MARCHF3: variants seen among roughly 807,000 people sequenced by gnomAD.
The protein encoded by MARCHF3 is E3 ubiquitin-protein ligase MARCHF3.
A neutral mutation model predicts 24.2 loss-of-function variants in MARCHF3; 13 were observed. The observed-to-expected ratio is 0.54, with a 90% CI of 0.35 to 0.85. The LOEUF (loss-of-function observed/expected upper bound fraction) is 0.85. Ranked by LOEUF, MARCHF3 falls within the 40% of genes least tolerant of loss-of-function variation. MARCHF3 has a pLI of 0.01. For missense variants in MARCHF3, 276 were observed against 325.0 expected, an observed-to-expected ratio of 0.85 and a Z score of 1.16; for synonymous variants, 144 against 137.3, an observed-to-expected ratio of 1.05 and a Z score of -0.34.
At chr5:126,961,701 T>G (rs1050915305) in intron 1 of MARCHF3, among the ~76,000 whole-genome samples, 1 of 152,190 alleles carries the variant, frequency 6.6e-6, no homozygotes, top group African/African-American at 2.4e-5. Flanking sequence ...CAAACATATG[T>G]AATTTGGCTT....
chr5:127,023,440 T>G (rs999349710), intron 1 of MARCHF3, among the ~76,000 whole-genome samples: 2 of 152,126 alleles, frequency 1.3e-5, no homozygotes, highest in Non-Finnish European at 2.9e-5. Flanking sequence ...TTTTAAAAAG[T>G]TTCCCTCAGG....
intron 1 of MARCHF3, among the ~76,000 whole-genome samples, chr5:127,006,028 C>T (rs535330250): frequency 1.3e-5 from 2 of 151,794 alleles, no homozygotes; most frequent in Non-Finnish European, 2.9e-5. Context: ...ATGGTGAAAC[C>T]CCATCTCTAC....
chr5:126,897,480 A>G (rs1017188453), intron 3 of MARCHF3, among the ~76,000 whole-genome samples: 5 of 152,134 alleles, frequency 3.3e-5, no homozygotes, highest in Admixed American at 3.3e-4. Context: ...TTAACTGTAT[A>G]GTTTTAGATA....
At chr5:126,995,504 A>C (rs1751922663) in intron 1 of MARCHF3, among the ~76,000 whole-genome samples, 1 of 152,232 alleles carries the variant, frequency 6.6e-6, no homozygotes, top group South Asian at 2.1e-4. Flanking sequence ...TTCTATGATG[A>C]AGCAAAGTAA....
chr5:126,922,826 G>A (rs561019783), intron 1 of MARCHF3, among the ~76,000 whole-genome samples: 287 of 152,244 alleles, frequency 1.9e-3, no homozygotes, highest in African/African-American at 6.6e-3. Context: ...GATTACAGGC[G>A]TGAGCCACTG....
At chr5:126,979,948 CAAAAAAAAAAA>C (rs757849978) in intron 1 of MARCHF3, among the ~76,000 whole-genome samples, 1 of 44,906 alleles carries the variant, frequency 2.2e-5, no homozygotes, top group Admixed American at 2.3e-4. Flanking sequence ...AACTCCATCT[CAAAAAAAAAAA>C]AAAAAAAAAA....
intron 1 of MARCHF3, among the ~76,000 whole-genome samples, chr5:127,002,546 A>T (rs1241598937): frequency 6.6e-6 from 1 of 152,252 alleles, no homozygotes; most frequent in Non-Finnish European, 1.5e-5. Flanking sequence ...CCCAAACTGG[A>T]GTAAACAGTT....
chr5:126,996,610 G>A (rs1230180168), intron 1 of MARCHF3, among the ~76,000 whole-genome samples: 1 of 151,960 alleles, frequency 6.6e-6, no homozygotes, highest in Non-Finnish European at 1.5e-5. Flanking sequence ...CTTCTTCAGT[G>A]GGGATATGGA....
At chr5:126,904,591 T>C (rs1371035434) in intron 3 of MARCHF3, among the ~76,000 whole-genome samples, 1 of 150,288 alleles carries the variant, frequency 6.7e-6, no homozygotes. Context: ...TTCATGTGTT[T>C]TTTGGCTGCA....
At chr5:126,893,568 AG>A (rs1753769640) in intron 3 of MARCHF3, among the ~76,000 whole-genome samples, 1 of 151,574 alleles carries the variant, frequency 6.6e-6, no homozygotes, top group Admixed American at 6.6e-5. Flanking sequence ...ATTCAGGAGC[AG>A]GTTGTTCAGT....
intron 3 of MARCHF3, among the ~76,000 whole-genome samples, chr5:126,882,868 A>G (rs1354126533): frequency 1.3e-5 from 2 of 152,222 alleles, no homozygotes; most frequent in Non-Finnish European, 2.9e-5. Flanking sequence ...TTTTATAGAT[A>G]GGGAAAATGA....
At chr5:127,028,624 C>T (rs1465401949) in intron 1 of MARCHF3, among the ~76,000 whole-genome samples, 8 of 150,788 alleles carry the variant, frequency 5.3e-5, no homozygotes, top group African/African-American at 2.0e-4. Flanking sequence ...CAAGCAAAAG[C>T]AAACAGTTTC....
At chr5:126,977,052 A>G (rs951367954) in intron 1 of MARCHF3, among the ~76,000 whole-genome samples, 6 of 152,242 alleles carry the variant, frequency 3.9e-5, no homozygotes, top group South Asian at 2.1e-4. Flanking sequence ...AGTTTTGGCC[A>G]GACTGCTGTC....
At chr5:127,023,291 G>A (rs947841678) in intron 1 of MARCHF3, among the ~76,000 whole-genome samples, 4 of 152,066 alleles carry the variant, frequency 2.6e-5, no homozygotes, top group African/African-American at 7.2e-5. Flanking sequence ...CCTATATGTG[G>A]CTTTCAAACC....
intron 1 of MARCHF3, among the ~76,000 whole-genome samples, chr5:126,948,987 A>T (rs1750126857): frequency 6.6e-6 from 1 of 152,104 alleles, no homozygotes; most frequent in Admixed American, 6.6e-5. Flanking sequence ...AGGAGGGAGG[A>T]TATTTACCAT....
Position 126,933,713 on chromosome 5 carries a change from G to C in MARCHF3, c.-56-15486C>G, listed in dbSNP as rs185360587. ...CATGCCTTGGCCTCCCAAAGTGCTG[G>C]GATTACAGGCATGAGCCACTGCACC... On this transcript the variant is annotated intron_variant, in intron 1 of 4. Coordinates refer to ENST00000308660, the MANE Select transcript of MARCHF3 (RefSeq NM_178450.5). 4.0e-3 allele frequency among the ~76,000 whole-genome samples: 609 copies of C among 152,082 alleles called. 3 individuals are homozygous for C. The highest frequency in any genetic ancestry group is 0.014 in the African/African-American group (588 of 41,490).
chr5:126,961,686 C>T lies in MARCHF3; in HGVS notation c.-56-43459G>A, dbSNP rs1240278834. Reference sequence around the variant, plus strand: ...CTTTGGATCTAATAAGAAATTATGCCTCATCAAACATATGTAATTTGGCTT... The same window carrying T: ...CTTTGGATCTAATAAGAAATTATGCTTCATCAAACATATGTAATTTGGCTT... On this transcript the variant is annotated intron_variant, in intron 1 of 4. Transcript: ENST00000308660. Among the ~76,000 whole-genome samples the T allele has an allele frequency of 2.0e-5, 3 of 152,176 alleles. No homozygotes were observed. In the East Asian group the frequency reaches 5.8e-4, roughly 29 times the overall value.
At chr5:126,917,427 G>A (rs978933273) in intron 2 of MARCHF3, among the ~76,000 whole-genome samples, 3 of 152,188 alleles carry the variant, frequency 2.0e-5, no homozygotes, top group Non-Finnish European at 4.4e-5. Context: ...GGTAGAGTGT[G>A]CGTGAAGGGT....
intron 1 of MARCHF3, among the ~76,000 whole-genome samples, chr5:126,921,995 A>G (rs899583164): frequency 6.6e-6 from 1 of 152,264 alleles, no homozygotes; most frequent in Non-Finnish European, 1.5e-5. Flanking sequence ...AGGACAGGGT[A>G]CAGGTTTCAC....
Sources: gnomAD v4.1 joint callset for allele counts (sites outside exome capture counted in the v4.1 genomes callset) on GRCh38, gnomAD v4.1.1 for gene constraint, MANE v1.5 for transcripts, NCBI Gene and HGNC (gene_info 2026-07-23, HGNC 2026-07-21) for gene names.